Variants in EIF2B3 observed in about 807,000 individuals in gnomAD.
EIF2B3 encodes eukaryotic translation initiation factor 2B subunit gamma.
A neutral mutation model predicts 54.1 loss-of-function variants in EIF2B3; 20 were observed. That is an observed-to-expected ratio of 0.37 (90% CI 0.26 to 0.54). EIF2B3 has a LOEUF of 0.54. Ranked by LOEUF, EIF2B3 falls within the 20% of genes least tolerant of loss-of-function variation. EIF2B3 has a pLI of 0.86. For missense variants in EIF2B3, 448 were observed against 547.8 expected, an observed-to-expected ratio of 0.82 and a Z score of 1.82; for synonymous variants, 153 against 188.1, an observed-to-expected ratio of 0.81 and a Z score of 1.52.
rs182052246 is a variant in EIF2B3 at position 44,938,908 on chromosome 1, T to G, written c.454+2598A>C. Among the ~76,000 whole-genome samples, 174 of 152,052 alleles carry G rather than the reference T, an allele frequency of 1.1e-3. 5 individuals are homozygous for G. The highest frequency in any genetic ancestry group is 0.01 in the Admixed American group (156 of 15,268). On this transcript the variant is annotated intron_variant, in intron 4 of 11. Coordinates refer to ENST00000360403, the MANE Select transcript of EIF2B3 (RefSeq NM_020365.5). ...TGAGCTCAAGAGTTCGAGGCCAGCC[T>G]GGGCAACATTGTGAAACCCTGTGCC...
At chr1:44,967,342 G>A (rs1262350843) in intron 3 of EIF2B3, among the ~76,000 whole-genome samples, 1 of 151,710 alleles carries the variant, frequency 6.6e-6, no homozygotes, top group Admixed American at 6.6e-5. Context: ...AGCTACTTGA[G>A]GGGCTGAGGC....
intron 5 of EIF2B3, among the ~76,000 whole-genome samples, chr1:44,900,205 G>A (rs1643252164): frequency 6.6e-6 from 1 of 152,108 alleles, no homozygotes. Flanking sequence ...CCAGCACTTT[G>A]GGAAGCCAAG....
At chr1:44,855,645 C>T (rs1654410693) in intron 11 of EIF2B3, among the ~76,000 whole-genome samples, 2 of 152,046 alleles carry the variant, frequency 1.3e-5, no homozygotes, top group African/African-American at 2.4e-5. Flanking sequence ...CAGCCTCCGC[C>T]TCCTGGGTTC....
chr1:44,914,080 C>G (rs947501924), intron 5 of EIF2B3, among the ~76,000 whole-genome samples: 8 of 150,874 alleles, frequency 5.3e-5, no homozygotes, highest in African/African-American at 2.0e-4. Flanking sequence ...ATTCTCTTGC[C>G]TTGGTCTCTC....
chr1:44,886,003 C>T (rs924161459), intron 6 of EIF2B3, among the ~76,000 whole-genome samples: 2 of 151,622 alleles, frequency 1.3e-5, no homozygotes, highest in African/African-American at 4.9e-5. Context: ...CCTCAGCCTC[C>T]CAAAGTGCTG....
intron 3 of EIF2B3, among the ~76,000 whole-genome samples, chr1:44,950,914 C>A (rs1644153740): frequency 6.7e-6 from 1 of 149,312 alleles, no homozygotes; most frequent in Admixed American, 6.7e-5. Flanking sequence ...GTTTCAAACT[C>A]CTAGCCTCAA....
intron 6 of EIF2B3, among the ~76,000 whole-genome samples, chr1:44,888,406 A>G (rs1445850176): frequency 6.6e-6 from 1 of 152,042 alleles, no homozygotes; most frequent in Non-Finnish European, 1.5e-5. Flanking sequence ...AGGGAAGGGG[A>G]ACCCAGAAAC....
intron 3 of EIF2B3, among the ~76,000 whole-genome samples, chr1:44,949,451 C>T (rs988109337): frequency 4.6e-5 from 7 of 152,168 alleles, no homozygotes; most frequent in Non-Finnish European, 1.0e-4. Context: ...CTGGCAAACA[C>T]GCATGAGTAA....
At chr1:44,981,858 G>C (rs1465223107) in intron 1 of EIF2B3, among the ~76,000 whole-genome samples, 1 of 149,514 alleles carries the variant, frequency 6.7e-6, no homozygotes, top group Non-Finnish European at 1.5e-5. Context: ...GATCATTTGA[G>C]CCTGGGAGGC....
intron 8 of EIF2B3, among the ~76,000 whole-genome samples, chr1:44,876,763 G>T (rs1045727960): frequency 2.8e-5 from 4 of 144,326 alleles, no homozygotes; most frequent in Non-Finnish European, 4.5e-5. Context: ...AGGCGGGAAA[G>T]GTGGGGAAAA....
At chr1:44,879,500 T>C (rs1201255368) in intron 8 of EIF2B3, among the ~76,000 whole-genome samples, 2 of 152,102 alleles carry the variant, frequency 1.3e-5, no homozygotes, top group African/African-American at 2.4e-5. Flanking sequence ...CTGCTTATTA[T>C]GAAGTAAGTA....
chr1:44,948,297 G>A (rs1023042911), intron 3 of EIF2B3, among the ~76,000 whole-genome samples: 6 of 152,040 alleles, frequency 3.9e-5, no homozygotes, highest in Non-Finnish European at 5.9e-5. Context: ...CCAGAAATCC[G>A]CCCATAGTCC....
intron 4 of EIF2B3, among the ~76,000 whole-genome samples, chr1:44,931,859 A>C (rs1643899405): frequency 6.6e-6 from 1 of 152,114 alleles, no homozygotes; most frequent in African/African-American, 2.4e-5. Flanking sequence ...GCTCACGCCT[A>C]TAATCCCAGC....
At chr1:44,858,137 T>C (rs1283688367) in intron 10 of EIF2B3, among the ~76,000 whole-genome samples, 1 of 148,804 alleles carries the variant, frequency 6.7e-6, no homozygotes, top group Non-Finnish European at 1.5e-5. Context: ...AGTGGTGTGA[T>C]CATAGCTCAC....
At chr1:44,937,365 C>T (rs1643959663) in intron 4 of EIF2B3, 1 of 152,086 alleles carries the variant, frequency 6.6e-6, no homozygotes, top group Admixed American at 6.6e-5. Context: ...ATAAAATAAA[C>T]AAAACAGATA....
chr1:44,880,758 C>G (rs1278371517), intron 7 of EIF2B3, among the ~76,000 whole-genome samples: 2 of 152,004 alleles, frequency 1.3e-5, no homozygotes, highest in African/African-American at 4.8e-5. Context: ...GTCAGGAGAT[C>G]GATACCATCC....
chr1:44,922,360 G>C (rs892182266), intron 5 of EIF2B3, among the ~76,000 whole-genome samples: 1 of 151,596 alleles, frequency 6.6e-6, no homozygotes, highest in African/African-American at 2.4e-5. Context: ...GCCGAGGCGG[G>C]AGGGTCACCT....
chr1:44,941,238 T>C (rs573460155), intron 4 of EIF2B3, among the ~76,000 whole-genome samples: 24 of 152,310 alleles, frequency 1.6e-4, no homozygotes, highest in African/African-American at 5.8e-4. Flanking sequence ...TTCTTAGATA[T>C]ACGTATTCAA....
At chr1:44,888,212 T>TC (rs1655663924) in intron 6 of EIF2B3, among the ~76,000 whole-genome samples, 1 of 151,516 alleles carries the variant, frequency 6.6e-6, no homozygotes, top group African/African-American at 2.4e-5. Flanking sequence ...AATGTCTATG[T>TC]TTTGTCACAT....
Sources: allele counts gnomAD v4.1 joint callset (sites outside exome capture counted in the v4.1 genomes callset), GRCh38; gene constraint gnomAD v4.1.1; transcripts MANE v1.5; gene names NCBI Gene and HGNC (gene_info 2026-07-23, HGNC 2026-07-21).